Variants in UPRT observed in about 807,000 individuals in gnomAD.
UPRT encodes the protein uracil phosphoribosyltransferase homolog.
Under a neutral mutation model 22.6 loss-of-function variants are expected in UPRT, and 5 were observed. The observed-to-expected ratio is 0.22, with a 90% confidence interval of 0.12 to 0.47. The LOEUF (loss-of-function observed/expected upper bound fraction) is 0.47, where lower values mean the gene tolerates loss of function less well. Ranked by LOEUF, UPRT falls within the 20% of genes least tolerant of loss-of-function variation. The probability of loss-of-function intolerance (pLI) is 0.99; values close to 1 mark genes in which losing one functional copy is unlikely to be tolerated. For synonymous variants in UPRT, 77 were observed against 87.7 expected (o/e 0.88, Z 0.68); for missense variants, 181 against 239.9 (o/e 0.75, Z 1.62).
At chrX:75,206,557 A>G (rs1602453505) in intron 4 of UPRT, among the ~76,000 whole-genome samples, 1 of 111,319 alleles carries the variant, frequency 9.0e-6, no homozygotes. Flanking sequence ...TTGTGAAAAA[A>G]TTTTATCATT....
At chrX:75,205,876 A>G (rs990120941) in intron 4 of UPRT, among the ~76,000 whole-genome samples, 13 of 111,729 alleles carry the variant, frequency 1.2e-4, no homozygotes, top group African/African-American at 3.3e-4. Flanking sequence ...ATAAAATGGC[A>G]TTTGTACATG....
chrX:75,237,399 C>G (rs1200688864), intron 4 of UPRT, among the ~76,000 whole-genome samples: 1 of 111,820 alleles, frequency 8.9e-6, no homozygotes, highest in Non-Finnish European at 1.9e-5. Flanking sequence ...GGGGATTCCT[C>G]ATGGATCTAG....
chrX:75,181,867 G>T (rs1370282282), intron 4 of UPRT, among the ~76,000 whole-genome samples: 1 of 111,361 alleles, frequency 9.0e-6, no homozygotes, highest in Non-Finnish European at 1.9e-5. Context: ...CTCTGGTTAG[G>T]ACTTCCAGTA....
intron 4 of UPRT, among the ~76,000 whole-genome samples, chrX:75,263,077 CAGA>C (rs1388233109): frequency 3.6e-5 from 4 of 111,878 alleles, no homozygotes; most frequent in Admixed American, 9.5e-5. Context: ...TCAGCAAATG[CAGA>C]AGAACAGAAA....
intron 4 of UPRT, among the ~76,000 whole-genome samples, chrX:75,240,503 C>A (rs2082484999): frequency 9.0e-6 from 1 of 111,682 alleles, no homozygotes; most frequent in Non-Finnish European, 1.9e-5. Flanking sequence ...GAGCACACTG[C>A]TGAAAGCAAA....
intron 4 of UPRT, among the ~76,000 whole-genome samples, chrX:75,239,533 T>C (rs1320323815): frequency 9.0e-6 from 1 of 111,251 alleles, no homozygotes; most frequent in Non-Finnish European, 1.9e-5. Context: ...AAAGAAGAAT[T>C]GGTACCAATC....
intron 4 of UPRT, among the ~76,000 whole-genome samples, chrX:75,177,183 C>T (rs976586726): frequency 4.4e-4 from 48 of 109,940 alleles, no homozygotes; most frequent in African/African-American, 1.3e-3. Flanking sequence ...CCCAAGAACC[C>T]GCAATGGTCC....
chrX:75,191,847 G>A (rs2082316332), intron 4 of UPRT, among the ~76,000 whole-genome samples: 1 of 111,287 alleles, frequency 9.0e-6, no homozygotes, highest in African/African-American at 3.3e-5. Flanking sequence ...TATTTTCCAG[G>A]TGCTGTGTGT....
intron 4 of UPRT, 21 bp from the exon 5 acceptor site, chrX:75,299,710 TTTTC>T: frequency 1.7e-6 from 2 of 1,190,278 alleles, no homozygotes; most frequent in Non-Finnish European, 2.3e-6. Flanking sequence ...CCCTAATCTT[TTTTC>T]TTTCTTTTTT....
intron 4 of UPRT, among the ~76,000 whole-genome samples, chrX:75,250,497 C>A (rs2082525152): frequency 1.8e-5 from 2 of 111,742 alleles, no homozygotes; most frequent in Non-Finnish European, 3.8e-5. Context: ...TACACCCTCC[C>A]AAGACTAAAC....
chrX:75,211,443 TAGAG>T (rs2082380123), intron 4 of UPRT, among the ~76,000 whole-genome samples: 2 of 110,234 alleles, frequency 1.8e-5, no homozygotes, highest in African/African-American at 3.3e-5. Flanking sequence ...CCATCAGAAA[TAGAG>T]AGGAATTCGG....
intron 4 of UPRT, among the ~76,000 whole-genome samples, chrX:75,220,618 T>C (rs1185472462): frequency 9.0e-6 from 1 of 111,607 alleles, no homozygotes; most frequent in Non-Finnish European, 1.9e-5. Flanking sequence ...GCAAATACTA[T>C]TGTATAACCC....
At chrX:75,228,328 G>A (rs1323944207) in intron 4 of UPRT, among the ~76,000 whole-genome samples, 1 of 111,572 alleles carries the variant, frequency 9.0e-6, no homozygotes, top group Non-Finnish European at 1.9e-5. Context: ...CCTCAGCCTA[G>A]GACAATTCCT....
chrX:75,178,542 G>GT (rs2082257605), intron 4 of UPRT, among the ~76,000 whole-genome samples: 3 of 111,654 alleles, frequency 2.7e-5, no homozygotes. Flanking sequence ...TCTTAAGATG[G>GT]TGAGTCTGGA....
intron 4 of UPRT, among the ~76,000 whole-genome samples, chrX:75,231,223 A>G (rs1457526656): frequency 8.9e-6 from 1 of 111,878 alleles, no homozygotes; most frequent in Non-Finnish European, 1.9e-5. Flanking sequence ...TGGATGAAAA[A>G]GTCTCCAGAG....
At chrX:75,199,763 C>CT (rs968588703) in intron 4 of UPRT, among the ~76,000 whole-genome samples, 7 of 111,472 alleles carry the variant, frequency 6.3e-5, no homozygotes, top group South Asian at 3.8e-4. Flanking sequence ...TATTATTATA[C>CT]TTTAAGTTCT....
intron 4 of UPRT, among the ~76,000 whole-genome samples, chrX:75,241,823 G>T (rs1434834453): frequency 9.0e-6 from 1 of 111,250 alleles, no homozygotes; most frequent in Admixed American, 9.6e-5. Flanking sequence ...CTCAGGAATG[G>T]AAATCCAAAC....
At position 75,274,271 on chromosome X, in the gene UPRT, A is replaced by G. The variant is rs745406149; in HGVS notation, c.17A>G (p.Gln6Arg). 2.5e-6 allele frequency: 3 copies of G among 1,204,922 alleles called. No individual in the cohort carries two copies. The highest frequency in any genetic ancestry group is 3.5e-5 in the African/African-American group (2 of 57,056). ...GCCCGGTGTATGGCCACGGAGTTAC[A>G]GTGTCCGGACTCCATGCCCTGTCAC... The part of the protein sequence containing the change: MATEL[Q>R]CPDSMPCHNQ... The change falls in exon 1 of 7, where the codon CAG (glutamine) becomes CGG (arginine). Residue 6 changes from glutamine (Q) to arginine (R), a missense_variant. Physicochemically the swap from Gln to Arg is conservative, Grantham distance 43. Coordinates refer to ENST00000373383, the MANE Select transcript of UPRT (RefSeq NM_145052.4).
At chrX:75,286,316 GT>G (rs1239946700) in intron 1 of UPRT, among the ~76,000 whole-genome samples, 3 of 72,093 alleles carry the variant, frequency 4.2e-5, no homozygotes, top group African/African-American at 1.7e-4. Flanking sequence ...TGGGGGGGGG[GT>G]GGGTCCTGAT....
Sources: gnomAD v4.1 joint callset for allele counts (sites outside exome capture counted in the v4.1 genomes callset) on GRCh38, gnomAD v4.1.1 for gene constraint, MANE v1.5 for transcripts, NCBI Gene and HGNC (gene_info 2026-07-23, HGNC 2026-07-21) for gene names.